Variants in IFT88 observed in about 807,000 individuals in gnomAD.
The protein encoded by IFT88 is intraflagellar transport 88.
Under a neutral mutation model 119.5 loss-of-function variants are expected in IFT88, and 74 were observed. The observed-to-expected ratio is 0.62, with a 90% confidence interval of 0.51 to 0.75. The LOEUF (loss-of-function observed/expected upper bound fraction) is 0.75, where lower values mean the gene tolerates loss of function less well. Ranked by LOEUF, IFT88 falls within the 30% of genes least tolerant of loss-of-function variation. IFT88 has a pLI of 0.00. For missense variants in IFT88, 961 were observed against 977.7 expected (o/e 0.98, Z 0.23); for synonymous variants, 279 against 316.7 (o/e 0.88, Z 1.26).
At chr13:20,602,178 A>G (rs2042698372) in intron 12 of IFT88, among the ~76,000 whole-genome samples, 1 of 148,732 alleles carries the variant, frequency 6.7e-6, no homozygotes, top group African/African-American at 2.5e-5. Context: ...TAAAAATAAG[A>G]TTCCATGTCA....
At chr13:20,663,734 A>G (rs2054193771) in intron 23 of IFT88, 130 bp downstream of exon 23, 1 of 647,836 alleles carries the variant, frequency 1.5e-6, no homozygotes, top group Admixed American at 3.1e-5. Flanking sequence ...CTGACATAAT[A>G]GGAGGAATAA....
At chr13:20,654,953 G>C (rs751246008) in intron 21 of IFT88, among the ~76,000 whole-genome samples, 2 of 152,112 alleles carry the variant, frequency 1.3e-5, no homozygotes, top group Non-Finnish European at 2.9e-5. Context: ...ACTGGCTTTG[G>C]GTCAGATGCT....
At chr13:20,590,805 T>C (rs2040539862) in intron 4 of IFT88, among the ~76,000 whole-genome samples, 162 bp from the exon 5 acceptor site, 1 of 152,172 alleles carries the variant, frequency 6.6e-6, no homozygotes, top group Admixed American at 6.6e-5. Context: ...CTGCTCCCTG[T>C]TTTATAGTTT....
chr13:20,576,830 C>T (rs1439723419), intron 2 of IFT88, among the ~76,000 whole-genome samples: 6 of 152,102 alleles, frequency 3.9e-5, no homozygotes, highest in African/African-American at 1.4e-4. Flanking sequence ...TTGCTCAGGA[C>T]AGCTTTGGCT....
chr13:20,577,865 A>AT (rs1453714690), intron 2 of IFT88, among the ~76,000 whole-genome samples: 2 of 152,132 alleles, frequency 1.3e-5, no homozygotes, highest in Non-Finnish European at 2.9e-5. Flanking sequence ...TACTGGCCTT[A>AT]TAGAATGAGT....
chr13:20,572,212 A>G (rs1445082083), intron 1 of IFT88, among the ~76,000 whole-genome samples: 1 of 151,854 alleles, frequency 6.6e-6, no homozygotes, highest in East Asian at 1.9e-4. Context: ...CTCTCAATCC[A>G]TCTATCAAGC....
intron 16 of IFT88, among the ~76,000 whole-genome samples, chr13:20,635,237 G>A (rs1283109531): frequency 1.3e-5 from 2 of 152,048 alleles, no homozygotes; most frequent in African/African-American, 4.8e-5. Flanking sequence ...AAAACATGCT[G>A]CAAAAGACAC....
intron 1 of IFT88, 64 bp from the exon 2 acceptor site, chr13:20,574,316 C>A: frequency 1.2e-6 from 1 of 866,478 alleles, no homozygotes; most frequent in Non-Finnish European, 1.8e-6. Context: ...CAAGACATAT[C>A]TCAAAAAATA....
At chr13:20,626,591 C>G (rs753407578) in intron 15 of IFT88, among the ~76,000 whole-genome samples, 4 of 152,160 alleles carry the variant, frequency 2.6e-5, no homozygotes, top group African/African-American at 4.8e-5. Context: ...CTCATTGACA[C>G]TGCATTGGGA....
At chr13:20,654,275 T>C (rs1234496179) in intron 21 of IFT88, among the ~76,000 whole-genome samples, 1 of 152,238 alleles carries the variant, frequency 6.6e-6, no homozygotes, top group African/African-American at 2.4e-5. Flanking sequence ...AAATGTCCTG[T>C]GTGCTCGGCC....
intron 17 of IFT88, among the ~76,000 whole-genome samples, chr13:20,638,980 G>C (rs903841473): frequency 1.3e-5 from 2 of 152,096 alleles, no homozygotes; most frequent in East Asian, 1.9e-4. Flanking sequence ...CTTTACTTCA[G>C]ATTTTGTTTT....
At chr13:20,677,577 C>G (rs977402637) in intron 24 of IFT88, among the ~76,000 whole-genome samples, 8 of 152,166 alleles carry the variant, frequency 5.3e-5, no homozygotes, top group Non-Finnish European at 1.0e-4. Context: ...AGTCAGATTA[C>G]AGAGCACCTA....
chr13:20,643,712 G>T, intron 19 of IFT88, 107 bp downstream of exon 19: 1 of 760,852 alleles, frequency 1.3e-6, no homozygotes, highest in Non-Finnish European at 2.1e-6. Context: ...GTTTTAAAAT[G>T]ATTTATTTAA....
chr13:20,621,265 C>T (rs1301522108), intron 14 of IFT88, among the ~76,000 whole-genome samples: 2 of 152,112 alleles, frequency 1.3e-5, no homozygotes, highest in Admixed American at 6.5e-5. Flanking sequence ...CAGGATTTAG[C>T]CATACTGGCC....
intron 24 of IFT88, among the ~76,000 whole-genome samples, chr13:20,687,043 A>C (rs941257443): frequency 1.3e-5 from 2 of 151,112 alleles, no homozygotes; most frequent in Non-Finnish European, 3.0e-5. Flanking sequence ...AAAAAAAAAA[A>C]AAAAAACCTC....
intron 14 of IFT88, among the ~76,000 whole-genome samples, chr13:20,625,170 A>G (rs1431200427): frequency 1.3e-5 from 2 of 152,164 alleles, no homozygotes; most frequent in Admixed American, 1.3e-4. Flanking sequence ...ATTGGGTTCA[A>G]ATTCTTAGTT....
chr13:20,626,987 G>C (rs543948410), intron 15 of IFT88, among the ~76,000 whole-genome samples: 1 of 152,134 alleles, frequency 6.6e-6, no homozygotes, highest in Non-Finnish European at 1.5e-5. Context: ...TTTGCTCTGG[G>C]AGACAACAGA....
intron 23 of IFT88, among the ~76,000 whole-genome samples, chr13:20,667,962 CCTCA>C (rs2055027412): frequency 6.6e-6 from 1 of 152,156 alleles, no homozygotes; most frequent in Non-Finnish European, 1.5e-5. Flanking sequence ...CTAAAACTAC[CCTCA>C]CTAAGATTAG....
rs563598814 is a variant in IFT88, at chr13:20,616,350, G to A, written c.1199+471G>A. On this transcript the variant is annotated intron_variant, in intron 14 of 25. Transcript: ENST00000351808. ...TCATCCAAAGCAACTTCCAGTCCTG[G>A]AAGCTCCATTCATGGTAAGCACCCT... Among the ~76,000 whole-genome samples, 15 of 152,250 alleles carry A rather than the reference G, an allele frequency of 9.9e-5. No homozygotes were observed. In the South Asian group the frequency reaches 2.7e-3, roughly 27 times the overall value.
Sources: allele counts gnomAD v4.1 joint callset (sites outside exome capture counted in the v4.1 genomes callset), GRCh38; gene constraint gnomAD v4.1.1; transcripts MANE v1.5; gene names NCBI Gene and HGNC (gene_info 2026-07-23, HGNC 2026-07-21).